Variants in TGFBR3 observed in about 807,000 individuals in gnomAD.
TGFBR3 encodes transforming growth factor beta receptor type 3.
TGFBR3 carries 46 observed loss-of-function variants against 87.9 expected under a neutral mutation model. The observed-to-expected ratio is 0.52, with a 90% CI of 0.41 to 0.67. The LOEUF is 0.67. TGFBR3 is among the 30% of genes least tolerant of loss of function. The probability of loss-of-function intolerance (pLI) is 0.00; values close to 1 mark genes in which losing one functional copy is unlikely to be tolerated. For synonymous variants in TGFBR3, 381 were observed against 391.6 expected, an observed-to-expected ratio of 0.97 and a Z score of 0.32; for missense variants, 866 against 1,041.9, an observed-to-expected ratio of 0.83 and a Z score of 2.32.
At position 91,728,490 on chromosome 1, in the gene TGFBR3, C is replaced by T. The variant is rs559582746; in HGVS notation, c.738-684G>A. ...AACACAACCCAAACTTCTAAGAATT[C>T]GTAAAAAAGAGAATTTTTTACTAAA... On this transcript the variant is annotated intron_variant, in intron 6 of 16. Coordinates refer to ENST00000212355, the MANE Select transcript of TGFBR3 (RefSeq NM_003243.5). Among the ~76,000 whole-genome samples, 5 of 152,160 alleles carry T rather than the reference C, an allele frequency of 3.3e-5. No homozygotes were observed. In the East Asian group the frequency reaches 9.7e-4, roughly 29 times the overall value.
chr1:91,777,983 G>A (rs1374422519), intron 3 of TGFBR3, among the ~76,000 whole-genome samples: 1 of 152,154 alleles, frequency 6.6e-6, no homozygotes, highest in African/African-American at 2.4e-5. Flanking sequence ...ATAAAAGAAA[G>A]ACAGGGAAAG....
chr1:91,757,549 T>C (rs1673791296), intron 4 of TGFBR3, among the ~76,000 whole-genome samples: 1 of 152,242 alleles, frequency 6.6e-6, no homozygotes, highest in Admixed American at 6.5e-5. Context: ...TGGTCAACTT[T>C]TATTATGATG....
At chr1:91,852,804 G>C (rs751145689) in intron 2 of TGFBR3, among the ~76,000 whole-genome samples, 3 of 152,144 alleles carry the variant, frequency 2.0e-5, no homozygotes, top group Non-Finnish European at 2.9e-5. Flanking sequence ...TATCACATTT[G>C]ACAATATCCT....
At chr1:91,896,642 G>T (rs909111661) in intron 2 of TGFBR3, among the ~76,000 whole-genome samples, 3 of 152,166 alleles carry the variant, frequency 2.0e-5, no homozygotes, top group Non-Finnish European at 2.9e-5. Flanking sequence ...GCTGACTAAA[G>T]CTAGCTGAAA....
In TGFBR3 at chr1:91,827,910, G is replaced by T. The variant is rs1334276360; in HGVS notation, c.62-30439C>A. Among the ~76,000 whole-genome samples the T allele has an allele frequency of 2.6e-5, 4 of 152,262 alleles. No individual in the cohort carries two copies. In the East Asian group the frequency reaches 7.7e-4, roughly 29 times the overall value. On this transcript the variant is annotated intron_variant, in intron 2 of 16. Transcript: ENST00000212355. ...CTCTGACCCCCATCCAGAATACAAG[G>T]TAGTTATGGCCAGCACAGGCATAAC... is the stretch of plus-strand genomic sequence containing the variant.
chr1:91,731,478 C>A (rs1672765481), intron 5 of TGFBR3, among the ~76,000 whole-genome samples: 1 of 152,228 alleles, frequency 6.6e-6, no homozygotes, highest in Non-Finnish European at 1.5e-5. Context: ...CAAGGCTCCA[C>A]TGACTCAGGC....
At chr1:91,881,784 A>C (rs993234028) in intron 1 of TGFBR3, among the ~76,000 whole-genome samples, 1 of 152,178 alleles carries the variant, frequency 6.6e-6, no homozygotes, top group Non-Finnish European at 1.5e-5. Flanking sequence ...TCACGCCTAT[A>C]ATCCCAGCAC....
intron 14 of TGFBR3, among the ~76,000 whole-genome samples, chr1:91,706,610 T>A (rs2100745965): frequency 6.6e-6 from 1 of 152,280 alleles, no homozygotes; most frequent in Admixed American, 6.5e-5. Flanking sequence ...GATCAACAAA[T>A]AACCATAAAA....
intron 2 of TGFBR3, among the ~76,000 whole-genome samples, chr1:91,826,744 T>TTAA (rs376770677): frequency 7.2e-6 from 1 of 139,398 alleles, no homozygotes; most frequent in East Asian, 2.1e-4. Flanking sequence ...CATCCACTAT[T>TTAA]AAAAAAAAAA....
At chr1:91,739,520 CCT>C (rs1231414095) in intron 4 of TGFBR3, among the ~76,000 whole-genome samples, 1 of 152,046 alleles carries the variant, frequency 6.6e-6, no homozygotes, top group Non-Finnish European at 1.5e-5. Flanking sequence ...CATCTAAATC[CCT>C]GAGAGGTTGA....
At chr1:91,821,456 A>T (rs914482233) in intron 2 of TGFBR3, among the ~76,000 whole-genome samples, 17 of 152,220 alleles carry the variant, frequency 1.1e-4, no homozygotes, top group Admixed American at 6.5e-4. Flanking sequence ...TTAAAAATTT[A>T]AAAATATGCT....
At chr1:91,834,282 T>C (rs1294067962) in intron 2 of TGFBR3, among the ~76,000 whole-genome samples, 2 of 152,176 alleles carry the variant, frequency 1.3e-5, no homozygotes, top group Non-Finnish European at 2.9e-5. Flanking sequence ...AGTTGAAACC[T>C]CTCCTTTCTA....
At chr1:91,872,131 T>G (rs1229846183) in intron 1 of TGFBR3, among the ~76,000 whole-genome samples, 2 of 152,220 alleles carry the variant, frequency 1.3e-5, no homozygotes, top group Non-Finnish European at 2.9e-5. Flanking sequence ...TTGCCTTTCT[T>G]GGCTGGGCTT....
intron 2 of TGFBR3, among the ~76,000 whole-genome samples, chr1:91,835,976 C>T (rs1393994655): frequency 6.6e-6 from 1 of 151,724 alleles, no homozygotes; most frequent in East Asian, 1.9e-4. Context: ...AGATGTCGGC[C>T]GTGGTTCATG....
chr1:91,777,831 C>T (rs1268920061), intron 3 of TGFBR3, among the ~76,000 whole-genome samples: 1 of 152,220 alleles, frequency 6.6e-6, no homozygotes, highest in East Asian at 1.9e-4. Flanking sequence ...CTCCTCACTC[C>T]TGCAATGCTT....
At chr1:91,779,063 G>T (rs1674675194) in intron 3 of TGFBR3, among the ~76,000 whole-genome samples, 1 of 152,148 alleles carries the variant, frequency 6.6e-6, no homozygotes, top group Admixed American at 6.5e-5. Flanking sequence ...GCAATGGTGA[G>T]AGTGCTGGGA....
intron 14 of TGFBR3, among the ~76,000 whole-genome samples, chr1:91,707,221 G>A (rs1671828290): frequency 6.6e-6 from 1 of 152,210 alleles, no homozygotes; most frequent in African/African-American, 2.4e-5. Context: ...CCAGTTAGCA[G>A]AGAAAGCTAA....
At chr1:91,864,535 T>C (rs926032227) in intron 1 of TGFBR3, among the ~76,000 whole-genome samples, 2 of 152,198 alleles carry the variant, frequency 1.3e-5, no homozygotes, top group Non-Finnish European at 2.9e-5. Flanking sequence ...TAAAAGTCTC[T>C]CCATAATGTA....
chr1:91,692,750 A>G (rs992546747), intron 16 of TGFBR3, among the ~76,000 whole-genome samples: 1 of 152,194 alleles, frequency 6.6e-6, no homozygotes, highest in Non-Finnish European at 1.5e-5. Flanking sequence ...TTGTGCCCAG[A>G]GTTGTCATAT....
Sources: gnomAD v4.1 joint callset for allele counts (sites outside exome capture counted in the v4.1 genomes callset) on GRCh38, gnomAD v4.1.1 for gene constraint, MANE v1.5 for transcripts, NCBI Gene and HGNC (gene_info 2026-07-23, HGNC 2026-07-21) for gene names.